Variants in PSMD1 observed in about 807,000 individuals in gnomAD.
The protein encoded by PSMD1 is proteasome 26S subunit, non-ATPase 1.
In PSMD1, 18 loss-of-function variants were observed where a neutral mutation model predicts 119.0. The observed-to-expected ratio is 0.15, with a 90% CI of 0.10 to 0.22. PSMD1 has a LOEUF of 0.22. PSMD1 is among the 10% of genes least tolerant of loss of function. The pLI, the probability that PSMD1 is intolerant of heterozygous loss-of-function variation, is 1.00. For synonymous variants in PSMD1, 374 were observed against 396.6 expected, an observed-to-expected ratio of 0.94 and a Z score of 0.68; for missense variants, 702 against 1,158.5, an observed-to-expected ratio of 0.61 and a Z score of 5.72.
chr2:231,072,545 C>G (rs1694066317), intron 7 of PSMD1, 130 bp downstream of exon 7: 2 of 770,494 alleles, frequency 2.6e-6, no homozygotes, highest in South Asian at 1.8e-5. Context: ...ATTGTAAAGT[C>G]TTATTAGGCT....
chr2:231,153,143 G>A (rs1450363138), intron 18 of PSMD1, among the ~76,000 whole-genome samples: 4 of 152,128 alleles, frequency 2.6e-5, no homozygotes, highest in Non-Finnish European at 4.4e-5. Flanking sequence ...TTTGGTGAAG[G>A]GTAATTTACT....
Position 231,135,175 on chromosome 2 carries a change from G to A in PSMD1, c.1884-3561G>A, listed in dbSNP as rs192371330. 3.9e-3 allele frequency among the ~76,000 whole-genome samples: 587 copies of A among 152,274 alleles called. 9 individuals are homozygous for A. The highest frequency in any genetic ancestry group is 0.022 in the South Asian group (107 of 4,826). On this transcript the variant is annotated intron_variant, in intron 16 of 24. Transcript: ENST00000308696. Reference sequence around the variant, plus strand: ...TCTTAGCCTTATAGGAGTGAAAATAGAAGTTAAATGGTAGTTTCAACTACA... The same window carrying A: ...TCTTAGCCTTATAGGAGTGAAAATAAAAGTTAAATGGTAGTTTCAACTACA...
intron 16 of PSMD1, among the ~76,000 whole-genome samples, chr2:231,088,068 C>T (rs552823968): frequency 5.9e-5 from 9 of 152,116 alleles, no homozygotes; most frequent in Admixed American, 2.6e-4. Context: ...AACCTCTTTG[C>T]GCCTCAGTTT....
At chr2:231,128,382 C>A (rs996389754) in intron 16 of PSMD1, among the ~76,000 whole-genome samples, 1 of 152,194 alleles carries the variant, frequency 6.6e-6, no homozygotes, top group Non-Finnish European at 1.5e-5. Context: ...AAATATTTCT[C>A]AGCTTTCTTT....
chr2:231,106,339 C>G (rs1305771791), intron 16 of PSMD1, among the ~76,000 whole-genome samples: 2 of 152,154 alleles, frequency 1.3e-5, no homozygotes, highest in African/African-American at 2.4e-5. Context: ...TAAGCAAGAG[C>G]TAGACATGGT....
intron 19 of PSMD1, among the ~76,000 whole-genome samples, chr2:231,157,110 G>A (rs887935586): frequency 6.6e-6 from 1 of 151,914 alleles, no homozygotes; most frequent in Non-Finnish European, 1.5e-5. Context: ...ACTTTTTAAA[G>A]TGTATGATTT....
chr2:231,083,372 A>G (rs1326766044), intron 13 of PSMD1, among the ~76,000 whole-genome samples, 195 bp from the exon 14 acceptor site: 2 of 152,246 alleles, frequency 1.3e-5, no homozygotes, highest in Admixed American at 1.3e-4. Flanking sequence ...AACCCTAAAT[A>G]TGAATGTGCG....
chr2:231,143,991 T>G (rs1371829327), intron 17 of PSMD1, among the ~76,000 whole-genome samples: 2 of 152,230 alleles, frequency 1.3e-5, no homozygotes, highest in African/African-American at 4.8e-5. Flanking sequence ...GGTTTTTTGT[T>G]TGTTTATTTT....
chr2:231,099,502 A>G (rs1694812138), intron 16 of PSMD1, among the ~76,000 whole-genome samples: 1 of 152,082 alleles, frequency 6.6e-6, no homozygotes, highest in Non-Finnish European at 1.5e-5. Flanking sequence ...TTATCCTTCC[A>G]GTGTTTTAGC....
chr2:231,093,314 T>C (rs1694645015), intron 16 of PSMD1, among the ~76,000 whole-genome samples: 1 of 152,124 alleles, frequency 6.6e-6, no homozygotes, highest in African/African-American at 2.4e-5. Flanking sequence ...AGGAACAAAT[T>C]ATGTGGAGTG....
Position 231,086,036 on chromosome 2 carries a change from C to CT in PSMD1, c.1818+935dup, listed in dbSNP as rs879890171. On this transcript the variant is annotated intron_variant, in intron 15 of 24. Transcript: ENST00000308696. ...ATAATGCAGCTGAAATAGTCTTTTT[C>CT]TTTTTTTTTTTTTAGCGACTTTGAG... Among the ~76,000 whole-genome samples the CT allele has an allele frequency of 7.4e-3, 1,053 of 143,174 alleles. 12 individuals are homozygous for CT. The highest frequency in any genetic ancestry group is 0.029 in the Admixed American group (416 of 14,310). The allele number at this position is 143,174 out of a possible 152,430, so 93.9% of individuals were successfully genotyped here. A position where few individuals can be genotyped will look rare whatever the true frequency, so the allele number is the denominator to read the frequency against.
At chr2:231,129,916 CTG>C (rs1450328602) in intron 16 of PSMD1, among the ~76,000 whole-genome samples, 1 of 152,028 alleles carries the variant, frequency 6.6e-6, no homozygotes, top group African/African-American at 2.4e-5. Flanking sequence ...TGCAGTGGCA[CTG>C]TGTCAGCTCA....
rs1383991036 is a variant in PSMD1, at chr2:231,072,411, G to T, written c.877G>T (p.Asp293Tyr). ...GGGTACTGTTCCGGGATCAGAGAAA[G>T]ACAGGTATAAGTACCTTTTTCTGCA... Reference protein sequence around the residue: ...NTGTVPGSEKDSDSMETEEKT... With the variant: ...NTGTVPGSEKYSDSMETEEKT... Residue 293 changes from aspartate (D) to tyrosine (Y), a missense_variant, in exon 7 of 25, where the codon GAC (aspartate) becomes TAC (tyrosine). Asp to Tyr is a radical substitution (Grantham distance 160, BLOSUM62 -3). Transcript: ENST00000308696. 6.2e-7 allele frequency: 1 copy of T among 1,604,180 alleles called. No homozygotes were observed. Among genetic ancestry groups the T allele is most frequent in the Admixed American group, 1.7e-5 (1 of 60,016 alleles).
At position 231,058,825 on chromosome 2, in the gene PSMD1, C is replaced by T. The variant is rs77495022; in HGVS notation, c.16+1784C>T. Among the ~76,000 whole-genome samples the T allele has an allele frequency of 4.9e-3, 749 of 152,202 alleles. 10 individuals carry two copies. The highest frequency in any genetic ancestry group is 0.017 in the African/African-American group (710 of 41,520). On this transcript the variant is annotated intron_variant, in intron 1 of 24. Transcript: ENST00000308696. ...TCTAGTCTTCTCTTCCTCAGATTTT[C>T]CCTTAGCTTCTCAATCTTTTGTCTC... is the stretch of plus-strand genomic sequence containing the variant.
At chr2:231,156,823 T>C (rs1696517974) in intron 19 of PSMD1, among the ~76,000 whole-genome samples, 1 of 152,164 alleles carries the variant, frequency 6.6e-6, no homozygotes, top group Non-Finnish European at 1.5e-5. Flanking sequence ...TTTTTTGTTA[T>C]GAGAAAATTT....
chr2:231,093,713 G>T (rs1694655397), intron 16 of PSMD1, among the ~76,000 whole-genome samples: 1 of 152,162 alleles, frequency 6.6e-6, no homozygotes, highest in African/African-American at 2.4e-5. Flanking sequence ...TAAAAATTAA[G>T]GGTAAATAAG....
intron 4 of PSMD1, among the ~76,000 whole-genome samples, chr2:231,065,277 TTTTTTTTG>T (rs796689366): frequency 1.2e-4 from 18 of 149,230 alleles, no homozygotes; most frequent in East Asian, 3.9e-4. Context: ...TGTTTTTTTG[TTTTTTTTG>T]TTTTTTTGTT....
At chr2:231,131,153 T>A (rs935762370) in intron 16 of PSMD1, among the ~76,000 whole-genome samples, 4 of 152,228 alleles carry the variant, frequency 2.6e-5, no homozygotes, top group Non-Finnish European at 4.4e-5. Flanking sequence ...TTACATGTAG[T>A]TTAATGTGTT....
At chr2:231,142,677 A>G (rs750611736) in intron 17 of PSMD1, among the ~76,000 whole-genome samples, 1 of 152,162 alleles carries the variant, frequency 6.6e-6, no homozygotes, top group African/African-American at 2.4e-5. Flanking sequence ...TTATTCTAAA[A>G]TATACCATTG....
Sources: gnomAD v4.1 joint callset for allele counts (sites outside exome capture counted in the v4.1 genomes callset) on GRCh38, gnomAD v4.1.1 for gene constraint, MANE v1.5 for transcripts, NCBI Gene and HGNC (gene_info 2026-07-23, HGNC 2026-07-21) for gene names.